SCTR: variants seen among roughly 807,000 people sequenced by gnomAD.
SCTR encodes the protein secretin receptor.
In SCTR, 56 loss-of-function variants were observed where a neutral mutation model predicts 60.8. That is an observed-to-expected ratio of 0.92 (90% CI 0.74 to 1.15). The LOEUF (loss-of-function observed/expected upper bound fraction) is 1.15, where lower values mean the gene tolerates loss of function less well. Ranked by LOEUF, SCTR falls within the 50% of genes most tolerant of loss-of-function variation. The pLI is 0.00. For missense variants in SCTR, 562 were observed against 550.4 expected, an observed-to-expected ratio of 1.02 and a Z score of -0.21; for synonymous variants, 202 against 217.0, an observed-to-expected ratio of 0.93 and a Z score of 0.61.
At chr2:119,456,973 G>T (rs1683399151) in intron 7 of SCTR, among the ~76,000 whole-genome samples, 1 of 152,178 alleles carries the variant, frequency 6.6e-6, no homozygotes, top group Non-Finnish European at 1.5e-5. Context: ...CTCCGTCAGG[G>T]CCTCCAAAAG....
intron 2 of SCTR, chr2:119,480,748 C>T (rs1243387667): frequency 6.6e-6 from 1 of 152,300 alleles, no homozygotes; most frequent in Non-Finnish European, 1.5e-5. Flanking sequence ...CTGCAACAGA[C>T]TTCTGGAACC....
chr2:119,478,603 C>T (rs1163070920), intron 3 of SCTR, among the ~76,000 whole-genome samples: 2 of 152,152 alleles, frequency 1.3e-5, no homozygotes, highest in Non-Finnish European at 2.9e-5. Flanking sequence ...AGTGCACTGC[C>T]TCCTGCCCCC....
chr2:119,478,991 C>G (rs1257882837), intron 2 of SCTR, 73 bp from the exon 3 acceptor site: 1 of 1,590,252 alleles, frequency 6.3e-7, no homozygotes, highest in African/African-American at 1.3e-5. Flanking sequence ...GTCCACATCA[C>G]CGACACCCTT....
chr2:119,444,138 TA>T (rs1384306114), intron 11 of SCTR, among the ~76,000 whole-genome samples: 1 of 147,212 alleles, frequency 6.8e-6, no homozygotes, highest in Non-Finnish European at 1.5e-5. Context: ...TATAAGAATA[TA>T]TATACATATT....
chr2:119,479,923 C>G (rs1330806907), intron 2 of SCTR: 1 of 152,178 alleles, frequency 6.6e-6, no homozygotes. Context: ...GTTTTCAATG[C>G]AAAACTAGGC....
rs552623088 is a variant in SCTR at position 119,524,341 on chromosome 2, G to T, written c.-115C>A. ...GGGCTCCGGCCGGCCGCTGCGCCCC[G>T]AGGAGCCATGGCTGAGCCACCCGAC... On this transcript the variant is annotated 5_prime_UTR_variant, in exon 1 of 13. Transcript: ENST00000019103. 3 of 644,856 alleles carry T rather than the reference G, an allele frequency of 4.7e-6. No individual in the cohort carries two copies. Among genetic ancestry groups the T allele is most frequent in the Non-Finnish European group, 6.9e-6 (3 of 433,646 alleles). The allele number at this position is 644,856 out of a possible 1,614,324, so 39.9% of individuals were successfully genotyped here. A position where few individuals can be genotyped will look rare whatever the true frequency, so the allele number is the denominator to read the frequency against.
chr2:119,490,587 C>A (rs972495746), intron 2 of SCTR, among the ~76,000 whole-genome samples: 6 of 152,166 alleles, frequency 3.9e-5, no homozygotes, highest in African/African-American at 1.4e-4. Flanking sequence ...TTATTCCTTC[C>A]TCCAATTGCT....
intron 8 of SCTR, among the ~76,000 whole-genome samples, 186 bp from the exon 9 acceptor site, chr2:119,452,265 C>G (rs1278399342): frequency 6.6e-6 from 1 of 152,194 alleles, no homozygotes; most frequent in Non-Finnish European, 1.5e-5. Context: ...ACTGCTGGGG[C>G]TGAGGGAGTG....
intron 12 of SCTR, 109 bp from the exon 13 acceptor site, chr2:119,440,366 G>A: frequency 1.5e-6 from 2 of 1,298,582 alleles, no homozygotes; most frequent in Admixed American, 2.2e-5. Flanking sequence ...CTGCCCAGCT[G>A]CCCTGTCCCC....
At chr2:119,506,143 G>C (rs530316958) in intron 1 of SCTR, among the ~76,000 whole-genome samples, 1 of 152,224 alleles carries the variant, frequency 6.6e-6, no homozygotes, top group African/African-American at 2.4e-5. Context: ...ATGCAACTAC[G>C]ACAGTCCTGG....
In SCTR at chr2:119,464,141, G is replaced by A. The variant is rs1384949375; in HGVS notation, c.618C>T (p.Thr206=). ...ATATTACCCTGTGGGCATCGCAGTA[G>A]GTGACATCATCTGAGGAGAAGAGCA... ...DAVLFSSDDV[T]YCDAHRAGCK... Residue 206 remains threonine (T), a synonymous_variant, in exon 6 of 13, where the codon ACC becomes ACT. Coordinates refer to ENST00000019103, the MANE Select transcript of SCTR (RefSeq NM_002980.3). 1.2e-6 allele frequency: 2 copies of A among 1,614,208 alleles called. No homozygotes were observed. Among genetic ancestry groups the A allele is most frequent in the Non-Finnish European group, 8.5e-7 (1 of 1,180,034 alleles).
chr2:119,482,323 T>A (rs1677653367), intron 2 of SCTR, among the ~76,000 whole-genome samples: 1 of 151,970 alleles, frequency 6.6e-6, no homozygotes, highest in South Asian at 2.1e-4. Context: ...AGAGGGGAAG[T>A]GGGAGGGCCC....
chr2:119,448,481 A>G (rs73948702), intron 10 of SCTR, among the ~76,000 whole-genome samples: 6,268 of 152,130 alleles, frequency 0.041, 410 homozygotes, highest in African/African-American at 0.14. Flanking sequence ...CCTGCCTGAG[A>G]TTTCTTAGTG....
chr2:119,505,240 T>G (rs938406698), intron 1 of SCTR, among the ~76,000 whole-genome samples: 1 of 148,232 alleles, frequency 6.7e-6, no homozygotes, highest in African/African-American at 2.5e-5. Context: ...CATATGTTTA[T>G]TGCAGCGCTA....
In SCTR at chr2:119,464,258, G is replaced by T. The variant is rs1683738814; in HGVS notation, c.504-3C>A. The T allele has an allele frequency of 1.2e-6, 2 of 1,614,028 alleles. No individual in the cohort carries two copies. The highest frequency in any genetic ancestry group is 1.1e-5 in the South Asian group (1 of 91,082). ...AGTTGCGAGTGCAGTGGAGCCTCCT[G>T]CAGGGAGAGAATGTAGGGACATAGA... On this transcript the variant is annotated splice_polypyrimidine_tract_variant and splice_region_variant and intron_variant, in intron 5 of 12. Coordinates refer to ENST00000019103, the MANE Select transcript of SCTR (RefSeq NM_002980.3).
At chr2:119,502,415 TAGA>T (rs1178624502) in intron 1 of SCTR, among the ~76,000 whole-genome samples, 1 of 152,224 alleles carries the variant, frequency 6.6e-6, no homozygotes, top group Non-Finnish European at 1.5e-5. Flanking sequence ...GTTCATGGAT[TAGA>T]AGACTTGACA....
At chr2:119,461,499 G>A (rs949789993) in intron 7 of SCTR, among the ~76,000 whole-genome samples, 6 of 152,170 alleles carry the variant, frequency 3.9e-5, no homozygotes, top group African/African-American at 1.4e-4. Context: ...ATCACCTGAG[G>A]TCAGGAGTTC....
chr2:119,505,497 A>G, intron 1 of SCTR, among the ~76,000 whole-genome samples: 1 of 151,804 alleles, frequency 6.6e-6, no homozygotes, highest in South Asian at 2.1e-4. Flanking sequence ...AAAATGTGGC[A>G]CATATACACC....
chr2:119,460,377 TGGATGAATGGATA>T (rs1683553340), intron 7 of SCTR, among the ~76,000 whole-genome samples: 1 of 151,880 alleles, frequency 6.6e-6, no homozygotes, highest in African/African-American at 2.4e-5. Flanking sequence ...GAGCAACTAA[TGGATGAATGGATA>T]GAGGAATGGA....
Sources: gnomAD v4.1 joint callset for allele counts (sites outside exome capture counted in the v4.1 genomes callset) on GRCh38, gnomAD v4.1.1 for gene constraint, MANE v1.5 for transcripts, NCBI Gene and HGNC (gene_info 2026-07-23, HGNC 2026-07-21) for gene names.